UIMC1: variants seen among roughly 807,000 people sequenced by gnomAD.
The protein encoded by UIMC1 is ubiquitin interaction motif containing 1, also known as BRCA1-A complex subunit RAP80.
A neutral mutation model predicts 84.9 loss-of-function variants in UIMC1; 42 were observed. The ratio of observed to expected loss-of-function variants is 0.49; its 90% CI spans 0.39 to 0.64. UIMC1 has a LOEUF of 0.64. Among genes scored for constraint, UIMC1 ranks in the 30% least tolerant of loss-of-function variants. UIMC1 has a pLI of 0.00. For missense variants in UIMC1, 825 were observed against 847.6 expected, an observed-to-expected ratio of 0.97 and a Z score of 0.33; for synonymous variants, 281 against 293.0, an observed-to-expected ratio of 0.96 and a Z score of 0.42.
chr5:176,977,446 A>G (rs532782171), intron 2 of UIMC1, among the ~76,000 whole-genome samples: 1 of 152,014 alleles, frequency 6.6e-6, no homozygotes, highest in Non-Finnish European at 1.5e-5. Context: ...ATTCTGGGCC[A>G]TAAAACAAGT....
chr5:177,014,897 T>C (rs1385708263), intron 1 of UIMC1, among the ~76,000 whole-genome samples: 1 of 152,082 alleles, frequency 6.6e-6, no homozygotes, highest in Admixed American at 6.6e-5. Flanking sequence ...ATTTTAACTT[T>C]ATCCGGTAAG....
intron 1 of UIMC1, among the ~76,000 whole-genome samples, chr5:176,986,754 T>C (rs1261600338): frequency 1.3e-5 from 2 of 151,738 alleles, no homozygotes; most frequent in Non-Finnish European, 2.9e-5. Flanking sequence ...CAGGGCATGG[T>C]TCTATCTCAA....
At chr5:176,993,384 T>C (rs1773157336) in intron 1 of UIMC1, among the ~76,000 whole-genome samples, 1 of 152,076 alleles carries the variant, frequency 6.6e-6, no homozygotes, top group African/African-American at 2.4e-5. Context: ...AGACAAGGTC[T>C]CACTACATTG....
chr5:176,988,610 CTG>C (rs1772368415), intron 1 of UIMC1, among the ~76,000 whole-genome samples: 1 of 151,042 alleles, frequency 6.6e-6, no homozygotes, highest in Non-Finnish European at 1.5e-5. Context: ...TTGCACAACA[CTG>C]TGAATTTATT....
chr5:176,967,629 G>A (rs929828640), intron 6 of UIMC1, among the ~76,000 whole-genome samples: 3 of 152,096 alleles, frequency 2.0e-5, no homozygotes, highest in African/African-American at 4.8e-5. Context: ...TAGACCAGGC[G>A]TGTTGGCTCA....
chr5:176,955,834 T>C, intron 8 of UIMC1, 125 bp downstream of exon 8: 2 of 819,564 alleles, frequency 2.4e-6, no homozygotes, highest in Non-Finnish European at 4.0e-6. Context: ...TTGAGACATG[T>C]ACATACACGT....
chr5:177,005,687 A>C (rs1775151652), intron 1 of UIMC1, among the ~76,000 whole-genome samples: 1 of 152,182 alleles, frequency 6.6e-6, no homozygotes, highest in East Asian at 1.9e-4. Flanking sequence ...ACACACTTTC[A>C]TTCGACTACA....
At chr5:177,014,825 G>C (rs1404822457) in intron 1 of UIMC1, among the ~76,000 whole-genome samples, 4 of 152,208 alleles carry the variant, frequency 2.6e-5, no homozygotes, top group Non-Finnish European at 5.9e-5. Context: ...TGGTACTTGA[G>C]AGAGTATTGG....
At chr5:176,988,486 A>G (rs1772349816) in intron 1 of UIMC1, among the ~76,000 whole-genome samples, 1 of 152,168 alleles carries the variant, frequency 6.6e-6, no homozygotes, top group Non-Finnish European at 1.5e-5. Context: ...ATAGGCAGAA[A>G]GCAGATTAGT....
chr5:176,982,326 CAAATT>C, intron 2 of UIMC1, 138 bp downstream of exon 2: 1 of 910,400 alleles, frequency 1.1e-6, no homozygotes, highest in Non-Finnish European at 1.6e-6. Flanking sequence ...ATTCCATTTA[CAAATT>C]AAAACAAAGC....
Position 176,927,769 on chromosome 5 carries a change from A to C in UIMC1, c.1597+15566T>G, listed in dbSNP as rs141894946. Reference sequence around the variant, plus strand: ...CAGCCGGGTGTGGCCTGTTTCAAAAAAAAACAAAACAAAACAAAACAAAAA... The same window carrying C: ...CAGCCGGGTGTGGCCTGTTTCAAAACAAAACAAAACAAAACAAAACAAAAA... On this transcript the variant is annotated intron_variant, in intron 10 of 14. Coordinates refer to ENST00000511320, the MANE Select transcript of UIMC1 (RefSeq NM_001199298.2). 7.6e-3 allele frequency among the ~76,000 whole-genome samples: 1,155 copies of C among 152,214 alleles called. 8 individuals carry two copies. The highest frequency in any genetic ancestry group is 0.014 in the African/African-American group (575 of 41,538).
rs1295925623 is a variant in UIMC1, at chr5:176,905,059, A to AT, written c.*222dup. On this transcript the variant is annotated 3_prime_UTR_variant, in exon 15 of 15. Coordinates refer to ENST00000511320, the MANE Select transcript of UIMC1 (RefSeq NM_001199298.2). The stretch of plus-strand genomic sequence containing the variant: ...TTCGTACAAACATAAATATATTTAA[A>AT]TTTTTTAACTGTAAGTAAATTCAAA... 2.4e-6 allele frequency: 1 copy of AT among 415,500 alleles called. No individual in the cohort carries two copies. 25.7% of individuals were successfully genotyped at this position (415,500 alleles called of 1,614,324 possible).
At chr5:176,956,843 T>C (rs995769364) in intron 7 of UIMC1, among the ~76,000 whole-genome samples, 1 of 151,592 alleles carries the variant, frequency 6.6e-6, no homozygotes, top group African/African-American at 2.4e-5. Flanking sequence ...AATAACTAAA[T>C]CCTGATAGAA....
chr5:176,929,459 T>G (rs59167129), intron 10 of UIMC1, among the ~76,000 whole-genome samples: 4,953 of 146,964 alleles, frequency 0.034, 291 homozygotes, highest in African/African-American at 0.12. Context: ...CCCAGCTACT[T>G]GGGAGGCTGA....
chr5:177,006,047 C>G (rs1212090894), intron 1 of UIMC1, among the ~76,000 whole-genome samples: 3 of 152,210 alleles, frequency 2.0e-5, no homozygotes, highest in Non-Finnish European at 4.4e-5. Context: ...AAACGAGGAT[C>G]ACACAACAAA....
chr5:177,002,674 G>A (rs1303743034), intron 1 of UIMC1, among the ~76,000 whole-genome samples: 1 of 151,988 alleles, frequency 6.6e-6, no homozygotes, highest in African/African-American at 2.4e-5. Flanking sequence ...AGTGGCACGC[G>A]CCTGTAGTCC....
intron 1 of UIMC1, among the ~76,000 whole-genome samples, chr5:177,005,502 T>C (rs1489524851): frequency 6.6e-6 from 1 of 151,802 alleles, no homozygotes; most frequent in Non-Finnish European, 1.5e-5. Context: ...ATATTCAGCC[T>C]CAGTTTAGGA....
In UIMC1 at chr5:176,969,260, A is replaced by C. The variant is rs199580368; in HGVS notation, c.495T>G (p.Phe165Leu). The stretch of plus-strand genomic sequence containing the variant: ...TTCCCTGACTGATATGTGAGCCTTT[A>C]AACAGTGATGGAGGTACCAGCTGCC... ...GIWQLVPPSLFKGSHISQGNE... is the reference protein window; with the variant it reads ...GIWQLVPPSLLKGSHISQGNE... The change falls in exon 6 of 15, where the codon TTT becomes TTG. Residue 165 changes from phenylalanine to leucine, a missense_variant. Physicochemically the swap from Phe to Leu is conservative, Grantham distance 22. Coordinates refer to ENST00000511320, the MANE Select transcript of UIMC1 (RefSeq NM_001199298.2). 12 of 1,614,106 alleles carry C rather than the reference A, an allele frequency of 7.4e-6. No homozygotes were observed. In the African/African-American group the frequency reaches 1.5e-4, roughly 20 times the overall value.
At chr5:176,953,116 C>A (rs986042088) in intron 8 of UIMC1, among the ~76,000 whole-genome samples, 4 of 152,102 alleles carry the variant, frequency 2.6e-5, no homozygotes, top group African/African-American at 9.7e-5. Context: ...GAGGACACAG[C>A]GGGAAGTTGT....
Sources: allele counts gnomAD v4.1 joint callset (sites outside exome capture counted in the v4.1 genomes callset), GRCh38; gene constraint gnomAD v4.1.1; transcripts MANE v1.5; gene names NCBI Gene and HGNC (gene_info 2026-07-23, HGNC 2026-07-21).